RIMBP2: variants seen among roughly 807,000 people sequenced by gnomAD.
RIMBP2 encodes RIMS binding protein 2, also known as RIMS-binding protein 2.
Under a neutral mutation model 118.6 loss-of-function variants are expected in RIMBP2, and 48 were observed. The ratio of observed to expected loss-of-function variants is 0.40; its 90% CI spans 0.32 to 0.51. The LOEUF is 0.51. Among genes scored for constraint, RIMBP2 ranks in the 20% least tolerant of loss-of-function variants. RIMBP2 has a pLI of 0.41. For missense variants in RIMBP2, 1,551 were observed against 1,768.3 expected (o/e 0.88, Z 2.20); for synonymous variants, 762 against 742.9 (o/e 1.03, Z -0.42).
At chr12:130,556,229 C>T (rs2056344041) in intron 2 of RIMBP2, among the ~76,000 whole-genome samples, 2 of 152,210 alleles carry the variant, frequency 1.3e-5, no homozygotes, top group South Asian at 4.1e-4. Flanking sequence ...CCCGGATCTT[C>T]ATTAGCCGGC....
chr12:130,580,903 G>C (rs2058431356), intron 2 of RIMBP2, among the ~76,000 whole-genome samples: 1 of 151,962 alleles, frequency 6.6e-6, no homozygotes, highest in East Asian at 1.9e-4. Context: ...AACAGCCCGG[G>C]AGACAGAGTG....
intron 2 of RIMBP2, among the ~76,000 whole-genome samples, chr12:130,592,485 T>C (rs1329850119): frequency 6.6e-6 from 1 of 151,870 alleles, no homozygotes; most frequent in Non-Finnish European, 1.5e-5. Flanking sequence ...GGTCAGGAGT[T>C]CAAGACCAGC....
At chr12:130,635,932 C>T (rs12817950) in intron 1 of RIMBP2, among the ~76,000 whole-genome samples, 16,102 of 152,098 alleles carry the variant, frequency 0.11, 864 homozygotes, top group African/African-American at 0.14. Context: ...CTCCACACAG[C>T]CAACTTGCAA....
At chr12:130,611,733 C>T (rs1165562462) in intron 2 of RIMBP2, among the ~76,000 whole-genome samples, 2 of 152,114 alleles carry the variant, frequency 1.3e-5, no homozygotes, top group East Asian at 3.9e-4. Flanking sequence ...TTCTGGTCTG[C>T]AAGGTTCTCG....
chr12:130,480,747 C>A (rs1396458233), intron 4 of RIMBP2, among the ~76,000 whole-genome samples: 1 of 152,218 alleles, frequency 6.6e-6, no homozygotes, highest in East Asian at 1.9e-4. Flanking sequence ...ATTACAGGTG[C>A]CCACCACCAT....
chr12:130,404,751 A>G (rs73150884), intron 21 of RIMBP2, among the ~76,000 whole-genome samples: 12,182 of 152,284 alleles, frequency 0.08, 710 homozygotes, highest in South Asian at 0.2. Context: ...AGCTAAATGT[A>G]CATCTAAACA....
intron 2 of RIMBP2, among the ~76,000 whole-genome samples, chr12:130,550,378 T>G (rs1388733334): frequency 1.3e-5 from 2 of 152,218 alleles, no homozygotes; most frequent in Non-Finnish European, 2.9e-5. Flanking sequence ...CAGGAACATT[T>G]TTATTTGAAT....
At chr12:130,653,523 G>A (rs2063309873) in intron 1 of RIMBP2, among the ~76,000 whole-genome samples, 3 of 152,178 alleles carry the variant, frequency 2.0e-5, no homozygotes, top group Admixed American at 1.3e-4. Context: ...CAAGCTGTTG[G>A]TGGATCTACC....
At chr12:130,413,223 C>G (rs1050055874) in intron 18 of RIMBP2, among the ~76,000 whole-genome samples, 5 of 152,172 alleles carry the variant, frequency 3.3e-5, no homozygotes, top group African/African-American at 1.2e-4. Context: ...TTCTCAAATG[C>G]CAACTGTCAG....
intron 21 of RIMBP2, among the ~76,000 whole-genome samples, chr12:130,404,446 T>C (rs1037370963): frequency 6.6e-6 from 1 of 152,154 alleles, no homozygotes; most frequent in Non-Finnish European, 1.5e-5. Flanking sequence ...TACAGGCACA[T>C]GCCACCACGC....
intron 1 of RIMBP2, among the ~76,000 whole-genome samples, chr12:130,647,126 T>C (rs989812774): frequency 6.6e-6 from 1 of 152,084 alleles, no homozygotes; most frequent in Non-Finnish European, 1.5e-5. Context: ...GGGAAGTAAA[T>C]AAGCAACTTG....
At chr12:130,608,941 C>A (rs539938913) in intron 2 of RIMBP2, among the ~76,000 whole-genome samples, 1 of 152,246 alleles carries the variant, frequency 6.6e-6, no homozygotes, top group South Asian at 2.1e-4. Flanking sequence ...TGGCCCCCAG[C>A]ACCCCAGCCT....
chr12:130,671,188 G>T (rs867968864), intron 1 of RIMBP2, among the ~76,000 whole-genome samples: 1 of 150,814 alleles, frequency 6.6e-6, no homozygotes, highest in South Asian at 2.1e-4. Context: ...CCTTGAGGGG[G>T]CAAAAAAAAT....
rs368917330 is a variant in RIMBP2 at position 130,422,637 on chromosome 12, C to T, written c.3130-76G>A. On this transcript the variant is annotated intron_variant, in intron 16 of 22. Coordinates refer to ENST00000690449, the MANE Select transcript of RIMBP2 (RefSeq NM_001393629.1). This position sits in a 1 kb window ranked among gnomAD's most constrained non-coding sequence, Gnocchi z 5.2. ...GAAGAATTCAGTTAGCCAAATCAAG[C>T]GGGTTGAAAAGCAGAATCTGTAAAG... The T allele has an allele frequency of 7.3e-5, 80 of 1,092,584 alleles. No homozygotes were observed. In the South Asian group the frequency reaches 1.0e-3, roughly 14 times the overall value. 67.7% of individuals were successfully genotyped at this position (1,092,584 alleles called of 1,614,324 possible).
chr12:130,396,173 C>CACTA lies in RIMBP2; in HGVS notation c.*1184_*1187dup, dbSNP rs767373151. 16 of 152,576 alleles carry CACTA rather than the reference C, an allele frequency of 1.0e-4. No individual in the cohort carries two copies. Among genetic ancestry groups the CACTA allele is most frequent in the South Asian group, 8.3e-4 (4 of 4,824 alleles). 9.5% of individuals were successfully genotyped at this position (152,576 alleles called of 1,614,324 possible). A position where few individuals can be genotyped will look rare whatever the true frequency, so the allele number is the denominator to read the frequency against. On this transcript the variant is annotated 3_prime_UTR_variant, in exon 23 of 23. Transcript: ENST00000690449. ...AATTTTATTTCTAGAAAATATTTTA[C>CACTA]ACTAACTGTGCACATGCACACACCC...
rs78415236 is a variant in RIMBP2 at position 130,411,461 on chromosome 12, C to T, written c.3589+1158G>A. Among the ~76,000 whole-genome samples the T allele has an allele frequency of 6.9e-3, 1,052 of 152,280 alleles. 16 individuals carry two copies. Among genetic ancestry groups the T allele is most frequent in the African/African-American group, 0.024 (1,006 of 41,532 alleles). On this transcript the variant is annotated intron_variant, in intron 19 of 22. Transcript: ENST00000690449. ...AGGAGGATCACATTCAGCCTTTCAC[C>T]ATTAAGGATGATAGTTTCTGGCAAT...
chr12:130,471,286 G>A (rs896367053), intron 5 of RIMBP2, among the ~76,000 whole-genome samples: 9 of 152,332 alleles, frequency 5.9e-5, no homozygotes, highest in African/African-American at 1.9e-4. Flanking sequence ...GAAATGTCTC[G>A]GGATGGCTGC....
intron 3 of RIMBP2, among the ~76,000 whole-genome samples, chr12:130,508,809 GA>G (rs2050616291): frequency 2.0e-5 from 3 of 152,306 alleles, no homozygotes; most frequent in Admixed American, 6.5e-5. Flanking sequence ...GGTCGAGCAA[GA>G]TTTTTGTACT....
At chr12:130,430,696 T>G (rs1309314381) in intron 14 of RIMBP2, 1 of 133,390 alleles carries the variant, frequency 7.5e-6, no homozygotes, top group East Asian at 2.5e-4. Context: ...GGTATCACCA[T>G]CTCGGTTCAC....
Sources: gnomAD v4.1 joint callset for allele counts (sites outside exome capture counted in the v4.1 genomes callset) on GRCh38, gnomAD v4.1.1 for gene constraint, Gnocchi (gnomAD v3.1) non-coding constraint, MANE v1.5 for transcripts, NCBI Gene and HGNC (gene_info 2026-07-23, HGNC 2026-07-21) for gene names.